The following CPQ variants were observed in gnomAD, a reference collection of about 807,000 sequenced individuals.
The protein encoded by CPQ is Ser-Met dipeptidase.
CPQ carries 37 observed loss-of-function variants against 45.7 expected under a neutral mutation model. The ratio of observed to expected loss-of-function variants is 0.81; its 90% CI spans 0.62 to 1.07. CPQ has a LOEUF of 1.07. Ranked by LOEUF, CPQ falls within the 50% of genes least tolerant of loss-of-function variation. The pLI is 0.00. For synonymous variants in CPQ, 186 were observed against 205.8 expected, an observed-to-expected ratio of 0.90 and a Z score of 0.82; for missense variants, 537 against 572.9, an observed-to-expected ratio of 0.94 and a Z score of 0.64.
At chr8:97,051,309 A>G (rs1810357613) in intron 6 of CPQ, among the ~76,000 whole-genome samples, 1 of 152,220 alleles carries the variant, frequency 6.6e-6, no homozygotes. Flanking sequence ...TTTTATTAAA[A>G]TATAGTTACC....
At chr8:96,795,596 TATC>T (rs1464256346) in intron 2 of CPQ, among the ~76,000 whole-genome samples, 1 of 152,240 alleles carries the variant, frequency 6.6e-6, no homozygotes, top group African/African-American at 2.4e-5. Context: ...TTATCTTATA[TATC>T]ATGAACATTT....
chr8:96,678,268 G>T (rs1376601018), intron 1 of CPQ, among the ~76,000 whole-genome samples: 1 of 152,080 alleles, frequency 6.6e-6, no homozygotes, highest in African/African-American at 2.4e-5. Flanking sequence ...GGGCAGTATG[G>T]TCGTTTTCAC....
At chr8:96,762,804 T>G (rs987753306) in intron 1 of CPQ, among the ~76,000 whole-genome samples, 2 of 152,216 alleles carry the variant, frequency 1.3e-5, no homozygotes, top group Admixed American at 6.5e-5. Flanking sequence ...TCACAAAGGT[T>G]TTCTTCTAGA....
intron 1 of CPQ, among the ~76,000 whole-genome samples, chr8:96,687,059 G>T (rs1208885847): frequency 3.3e-5 from 5 of 151,928 alleles, no homozygotes; most frequent in African/African-American, 1.2e-4. Flanking sequence ...AATTAAAAAT[G>T]TTTTGGCGAG....
chr8:96,687,556 TTC>T (rs1809248995), intron 1 of CPQ, among the ~76,000 whole-genome samples: 2 of 152,114 alleles, frequency 1.3e-5, no homozygotes, highest in African/African-American at 2.4e-5. Flanking sequence ...GTTTATTAAT[TTC>T]TTTTTTTCTA....
At chr8:96,752,872 T>C (rs1810280279) in intron 1 of CPQ, among the ~76,000 whole-genome samples, 1 of 152,060 alleles carries the variant, frequency 6.6e-6, no homozygotes, top group Admixed American at 6.6e-5. Flanking sequence ...TTCTGACTGG[T>C]CATTAGTTGT....
At chr8:97,015,870 A>C (rs1223776401) in intron 5 of CPQ, among the ~76,000 whole-genome samples, 1 of 152,138 alleles carries the variant, frequency 6.6e-6, no homozygotes, top group African/African-American at 2.4e-5. Flanking sequence ...CTTTAAGTGG[A>C]AAGGGCAGTA....
intron 1 of CPQ, among the ~76,000 whole-genome samples, chr8:96,694,619 G>T (rs1021537198): frequency 3.3e-5 from 5 of 151,904 alleles, no homozygotes; most frequent in African/African-American, 1.2e-4. Context: ...AATAACAAGA[G>T]GAACTTTGGA....
intron 7 of CPQ, among the ~76,000 whole-genome samples, chr8:97,079,614 G>C (rs1296145918): frequency 1.3e-5 from 2 of 152,124 alleles, no homozygotes; most frequent in Non-Finnish European, 2.9e-5. Flanking sequence ...ATAAGATGCA[G>C]TCCCTGTCCT....
At chr8:96,844,234 CT>C (rs1811654873) in intron 3 of CPQ, among the ~76,000 whole-genome samples, 1 of 152,150 alleles carries the variant, frequency 6.6e-6, no homozygotes, top group Non-Finnish European at 1.5e-5. Flanking sequence ...TCCTGAGAAA[CT>C]TTTTCCAGCC....
At chr8:96,968,327 A>C (rs1036268938) in intron 5 of CPQ, among the ~76,000 whole-genome samples, 20 of 152,032 alleles carry the variant, frequency 1.3e-4, no homozygotes, top group Non-Finnish European at 2.9e-5. Flanking sequence ...TCTGCACCTC[A>C]CTTTCCATGA....
At chr8:97,075,831 G>A (rs181278134) in intron 7 of CPQ, among the ~76,000 whole-genome samples, 7 of 152,162 alleles carry the variant, frequency 4.6e-5, no homozygotes, top group African/African-American at 1.7e-4. Flanking sequence ...GAACCCCCAT[G>A]CACCCACCAC....
At chr8:96,750,751 A>C (rs954088251) in intron 1 of CPQ, among the ~76,000 whole-genome samples, 1 of 151,930 alleles carries the variant, frequency 6.6e-6, no homozygotes, top group African/African-American at 2.4e-5. Context: ...AAAGCTCAGC[A>C]TCCATTAGCT....
chr8:97,081,696 G>A (rs1810952518), intron 7 of CPQ, among the ~76,000 whole-genome samples: 1 of 152,160 alleles, frequency 6.6e-6, no homozygotes, highest in African/African-American at 2.4e-5. Context: ...AGCGATAGTG[G>A]CTGAGCACCC....
At chr8:96,744,175 C>G (rs563110412) in intron 1 of CPQ, among the ~76,000 whole-genome samples, 11 of 152,352 alleles carry the variant, frequency 7.2e-5, no homozygotes, top group African/African-American at 1.9e-4. Flanking sequence ...ATATAATCTC[C>G]TGGTTCGCCG....
At chr8:96,943,014 T>C (rs77580495) in intron 4 of CPQ, among the ~76,000 whole-genome samples, 4,249 of 152,292 alleles carry the variant, frequency 0.028, 131 homozygotes, top group African/African-American at 0.08. Context: ...GGATTCTAGA[T>C]ATATTACTTA....
At chr8:96,720,158 C>T (rs961461738) in intron 1 of CPQ, among the ~76,000 whole-genome samples, 1 of 152,184 alleles carries the variant, frequency 6.6e-6, no homozygotes, top group Non-Finnish European at 1.5e-5. Flanking sequence ...ATTTTCATTT[C>T]ATTCTTTGAA....
chr8:96,686,398 T>G (rs1809228283), intron 1 of CPQ, among the ~76,000 whole-genome samples: 1 of 152,018 alleles, frequency 6.6e-6, no homozygotes, highest in Non-Finnish European at 1.5e-5. Context: ...ATGATAAGGA[T>G]TTTTGTCAAA....
chr8:96,701,354 T>C (rs1321208697), intron 1 of CPQ, among the ~76,000 whole-genome samples: 1 of 152,138 alleles, frequency 6.6e-6, no homozygotes, highest in Non-Finnish European at 1.5e-5. Context: ...GAAATGGGGA[T>C]TGATTATTAC....
Sources: gnomAD v4.1 joint callset for allele counts (sites outside exome capture counted in the v4.1 genomes callset) on GRCh38, gnomAD v4.1.1 for gene constraint, MANE v1.5 for transcripts, NCBI Gene and HGNC (gene_info 2026-07-23, HGNC 2026-07-21) for gene names.